Variants in CNTN5 observed in about 807,000 individuals in gnomAD.
The protein encoded by CNTN5 is contactin-5.
Under a neutral mutation model 129.1 loss-of-function variants are expected in CNTN5, and 77 were observed. The observed-to-expected ratio is 0.60, with a 90% CI of 0.50 to 0.72. The LOEUF is 0.72. Among genes scored for constraint, CNTN5 ranks in the 30% least tolerant of loss-of-function variants. CNTN5 has a pLI of 0.00. For missense variants in CNTN5, 1,478 were observed against 1,328.8 expected, an observed-to-expected ratio of 1.11 and a Z score of -1.75; for synonymous variants, 509 against 465.6, an observed-to-expected ratio of 1.09 and a Z score of -1.20.
At chr11:99,783,883 G>T (rs1157000041) in intron 3 of CNTN5, among the ~76,000 whole-genome samples, 4 of 151,636 alleles carry the variant, frequency 2.6e-5, no homozygotes, top group Non-Finnish European at 4.4e-5. Flanking sequence ...TGACGAGTTA[G>T]TGGGTGCAGT....
chr11:99,663,630 T>C (rs1591443001), intron 3 of CNTN5, among the ~76,000 whole-genome samples: 2 of 152,104 alleles, frequency 1.3e-5, no homozygotes, highest in African/African-American at 4.8e-5. Flanking sequence ...ATTAGGGTGG[T>C]TTCCCCCATG....
intron 2 of CNTN5, among the ~76,000 whole-genome samples, chr11:99,376,091 G>A (rs1216715812): frequency 4.6e-5 from 7 of 152,210 alleles, no homozygotes; most frequent in South Asian, 2.1e-4. Flanking sequence ...TAGTTTCAGC[G>A]AGGTAGGATG....
At chr11:99,649,052 G>A (rs1952064647) in intron 3 of CNTN5, among the ~76,000 whole-genome samples, 1 of 151,586 alleles carries the variant, frequency 6.6e-6, no homozygotes, top group East Asian at 1.9e-4. Flanking sequence ...AGAAGATATT[G>A]AAAGTTCCCA....
At position 100,047,128 on chromosome 11, in the gene CNTN5, G is replaced by A. The variant is rs556420245; in HGVS notation, c.981-14084G>A. Among the ~76,000 whole-genome samples, 11 of 151,780 alleles carry A rather than the reference G, an allele frequency of 7.2e-5. No individual in the cohort carries two copies. In the South Asian group the frequency reaches 8.3e-4, roughly 12 times the overall value. ...ATACCAAGCTATGAGTGTACAGGGCGGAAAAACTAAGAAAAACTAGTAGAG... is the reference window on the plus strand; with the variant it reads ...ATACCAAGCTATGAGTGTACAGGGCAGAAAAACTAAGAAAAACTAGTAGAG... On this transcript the variant is annotated intron_variant, in intron 9 of 24. Coordinates refer to ENST00000524871, the MANE Select transcript of CNTN5 (RefSeq NM_014361.4).
At chr11:99,238,846 A>C (rs1861407152) in intron 1 of CNTN5, among the ~76,000 whole-genome samples, 1 of 152,198 alleles carries the variant, frequency 6.6e-6, no homozygotes. Context: ...TACTAAGATA[A>C]ATAAAAATTC....
At chr11:99,558,367 T>G (rs1948740084) in intron 3 of CNTN5, 1 of 312,518 alleles carries the variant, frequency 3.2e-6, no homozygotes. Context: ...AAAGAAAGTT[T>G]TGTGTGTATG....
chr11:99,284,102 G>T (rs2135897747), intron 1 of CNTN5, among the ~76,000 whole-genome samples: 1 of 152,198 alleles, frequency 6.6e-6, no homozygotes, highest in South Asian at 2.1e-4. Context: ...GTGAATTATG[G>T]TTCTCTTATC....
At position 99,396,106 on chromosome 11, in the gene CNTN5, C is replaced by T. The variant is rs185985799; in HGVS notation, c.-71+70622C>T. 6.6e-5 allele frequency among the ~76,000 whole-genome samples: 10 copies of T among 151,774 alleles called. No individual in the cohort carries two copies. In the East Asian group the frequency reaches 1.4e-3, roughly 21 times the overall value. ...ATCAATGGTAGTTTAATAGGAATGGCATTCAATCTATAAATTACTTTGGCA... is the reference window on the plus strand; with the variant it reads ...ATCAATGGTAGTTTAATAGGAATGGTATTCAATCTATAAATTACTTTGGCA... On this transcript the variant is annotated intron_variant, in intron 2 of 24. Transcript: ENST00000524871.
intron 1 of CNTN5, among the ~76,000 whole-genome samples, chr11:99,242,901 T>A (rs1183241461): frequency 1.3e-5 from 2 of 152,122 alleles, no homozygotes; most frequent in African/African-American, 4.8e-5. Context: ...GGCATCTAGG[T>A]TGATTCCAGG....
chr11:100,349,174 A>G (rs1952350038), intron 23 of CNTN5, among the ~76,000 whole-genome samples: 1 of 151,956 alleles, frequency 6.6e-6, no homozygotes, highest in Non-Finnish European at 1.5e-5. Context: ...TGGAGGGAGC[A>G]TTTATTACTA....
intron 15 of CNTN5, among the ~76,000 whole-genome samples, chr11:100,219,674 CT>C (rs747824931): frequency 3.3e-5 from 5 of 152,142 alleles, no homozygotes; most frequent in Non-Finnish European, 5.9e-5. Flanking sequence ...AGATCCCAGT[CT>C]TGGGATGTTA....
At chr11:99,898,334 AAGAG>A (rs1412412058) in intron 6 of CNTN5, among the ~76,000 whole-genome samples, 14 of 152,088 alleles carry the variant, frequency 9.2e-5, no homozygotes, top group African/African-American at 2.9e-4. Flanking sequence ...AAGGAAAAAA[AAGAG>A]AGAAGATTCA....
chr11:99,288,679 G>A (rs1228029024), intron 1 of CNTN5, among the ~76,000 whole-genome samples: 1 of 151,856 alleles, frequency 6.6e-6, no homozygotes, highest in Non-Finnish European at 1.5e-5. Context: ...GAAGAATTGT[G>A]TCTCTATGCC....
At chr11:99,891,268 C>T (rs1002607024) in intron 6 of CNTN5, among the ~76,000 whole-genome samples, 2 of 152,048 alleles carry the variant, frequency 1.3e-5, no homozygotes, top group Admixed American at 6.6e-5. Flanking sequence ...ATTTCTCTTA[C>T]AGTCTCAAAC....
intron 8 of CNTN5, among the ~76,000 whole-genome samples, chr11:99,967,640 C>G (rs537649718): frequency 1.3e-5 from 2 of 152,254 alleles, no homozygotes; most frequent in African/African-American, 2.4e-5. Flanking sequence ...GTATGAGGCG[C>G]TTGCGTTCCA....
At chr11:99,279,942 A>G (rs1863618254) in intron 1 of CNTN5, among the ~76,000 whole-genome samples, 1 of 151,388 alleles carries the variant, frequency 6.6e-6, no homozygotes. Flanking sequence ...GGGAGACACA[A>G]TCTGAGGTTT....
intron 9 of CNTN5, among the ~76,000 whole-genome samples, chr11:100,039,648 C>A (rs944149838): frequency 1.3e-5 from 2 of 152,182 alleles, no homozygotes; most frequent in African/African-American, 4.8e-5. Flanking sequence ...TCCCATATTT[C>A]TTGGAGGCTT....
At chr11:99,956,354 C>T (rs1003069451) in intron 7 of CNTN5, among the ~76,000 whole-genome samples, 4 of 151,992 alleles carry the variant, frequency 2.6e-5, no homozygotes, top group Non-Finnish European at 5.9e-5. Context: ...ATGTAGTTTG[C>T]CTTTCTTTGA....
At chr11:99,732,341 G>A (rs868688140) in intron 3 of CNTN5, among the ~76,000 whole-genome samples, 1 of 152,260 alleles carries the variant, frequency 6.6e-6, no homozygotes, top group Middle Eastern at 3.4e-3. Context: ...CTGATAATAA[G>A]TTTAGAAGGG....
Sources: allele counts gnomAD v4.1 joint callset (sites outside exome capture counted in the v4.1 genomes callset), GRCh38; gene constraint gnomAD v4.1.1; transcripts MANE v1.5; gene names NCBI Gene and HGNC (gene_info 2026-07-23, HGNC 2026-07-21).